The following GABRG1 variants were observed in gnomAD, a reference collection of about 807,000 sequenced individuals.
GABRG1 encodes the protein gamma-aminobutyric acid receptor subunit gamma-1.
GABRG1 carries 49 observed loss-of-function variants against 49.8 expected under a neutral mutation model. The observed-to-expected ratio is 0.98, with a 90% confidence interval of 0.78 to 1.25. GABRG1 has a LOEUF of 1.25. GABRG1 is among the 50% of genes most tolerant of loss of function. The pLI, the probability that GABRG1 is intolerant of heterozygous loss-of-function variation, is 0.00. For synonymous variants in GABRG1, 232 were observed against 185.1 expected (o/e 1.25, Z -2.06); for missense variants, 552 against 552.3 (o/e 1.00, Z 0.01).
chr4:46,047,668 G>T (rs71611959), intron 8 of GABRG1, among the ~76,000 whole-genome samples: 1 of 151,544 alleles, frequency 6.6e-6, no homozygotes, highest in African/African-American at 2.4e-5. Context: ...TAAAAATATT[G>T]TTATTTAAAA....
At chr4:46,071,872 T>C (rs1719138397) in intron 3 of GABRG1, among the ~76,000 whole-genome samples, 1 of 152,064 alleles carries the variant, frequency 6.6e-6, no homozygotes, top group Admixed American at 6.6e-5. Flanking sequence ...AAGCTGATAA[T>C]AATTTGTTAT....
chr4:46,088,051 G>A (rs903599771), intron 2 of GABRG1, among the ~76,000 whole-genome samples: 9 of 152,030 alleles, frequency 5.9e-5, no homozygotes, highest in African/African-American at 2.2e-4. Flanking sequence ...TGTGGCCAGT[G>A]CTTCCAAAAA....
intron 4 of GABRG1, 69 bp from the exon 5 acceptor site, chr4:46,064,592 A>G: frequency 2.8e-6 from 2 of 724,260 alleles, no homozygotes; most frequent in South Asian, 2.5e-5. Flanking sequence ...CTCCTGTCTC[A>G]TTTTAAAACA....
chr4:46,085,753 T>C (rs566927574), intron 2 of GABRG1, among the ~76,000 whole-genome samples: 61 of 151,730 alleles, frequency 4.0e-4, no homozygotes, highest in African/African-American at 1.3e-3. Context: ...CTATGAACAA[T>C]ACTAATGAGT....
chr4:46,068,549 A>C (rs1718999724), intron 3 of GABRG1, among the ~76,000 whole-genome samples: 1 of 152,202 alleles, frequency 6.6e-6, no homozygotes, highest in South Asian at 2.1e-4. Flanking sequence ...TTGTCCCCTC[A>C]ATCTAATATC....
intron 1 of GABRG1, among the ~76,000 whole-genome samples, chr4:46,109,009 C>T (rs1182848111): frequency 2.0e-5 from 3 of 150,896 alleles, no homozygotes; most frequent in African/African-American, 7.3e-5. Flanking sequence ...GCTCAAAACC[C>T]TGGATCTTAG....
At chr4:46,064,028 G>T (rs1415269883) in intron 5 of GABRG1, among the ~76,000 whole-genome samples, 1 of 151,934 alleles carries the variant, frequency 6.6e-6, no homozygotes, top group Non-Finnish European at 1.5e-5. Flanking sequence ...AATACTATTT[G>T]CCTAACCAAT....
chr4:46,119,456 T>A (rs1265240342), intron 1 of GABRG1, among the ~76,000 whole-genome samples: 1 of 151,532 alleles, frequency 6.6e-6, no homozygotes, highest in East Asian at 1.9e-4. Flanking sequence ...TTTAATAAGT[T>A]CACAAAAATG....
chr4:46,041,314 T>C, intron 8 of GABRG1, 60 bp from the exon 9 acceptor site: 1 of 1,549,678 alleles, frequency 6.5e-7, no homozygotes. Context: ...AAAGATCAAT[T>C]TGCTCCTTTA....
chr4:46,071,564 C>T (rs943081760), intron 3 of GABRG1, among the ~76,000 whole-genome samples: 12 of 151,310 alleles, frequency 7.9e-5, no homozygotes, highest in African/African-American at 2.2e-4. Flanking sequence ...GTATTCCAGA[C>T]GACGTATTGT....
At chr4:46,114,542 A>C (rs1445034810) in intron 1 of GABRG1, among the ~76,000 whole-genome samples, 1 of 150,958 alleles carries the variant, frequency 6.6e-6, no homozygotes, top group Non-Finnish European at 1.5e-5. Context: ...GAAGGTATTT[A>C]GGTATTTAAA....
intron 1 of GABRG1, among the ~76,000 whole-genome samples, chr4:46,110,150 A>C (rs1052566339): frequency 2.7e-5 from 4 of 150,916 alleles, no homozygotes; most frequent in Non-Finnish European, 4.5e-5. Context: ...TGACTGTCTA[A>C]ATGTTTTTGT....
At position 46,038,965 on chromosome 4, in the gene GABRG1, C is replaced by T. The variant is rs2109388663; in HGVS notation, c.*2023G>A. 1 of 151,600 alleles carries T rather than the reference C, an allele frequency of 6.6e-6. No homozygotes were observed. The highest frequency in any genetic ancestry group is 2.4e-5 in the African/African-American group (1 of 41,466). The allele number at this position is 151,600 out of a possible 1,614,324, so 9.4% of individuals were successfully genotyped here. On this transcript the variant is annotated 3_prime_UTR_variant, in exon 9 of 9. Transcript: ENST00000295452. ...AGAAGGAAAAGCTATTTATATCAAGCACTTTTAAGTATTTTAAAATACAGT... is the reference window on the plus strand; with the variant it reads ...AGAAGGAAAAGCTATTTATATCAAGTACTTTTAAGTATTTTAAAATACAGT...
At chr4:46,122,531 G>GT (rs1381449812) in intron 1 of GABRG1, among the ~76,000 whole-genome samples, 4 of 151,512 alleles carry the variant, frequency 2.6e-5, no homozygotes, top group Non-Finnish European at 5.9e-5. Context: ...AGGGAACAGG[G>GT]TTAAAAAAAA....
intron 1 of GABRG1, among the ~76,000 whole-genome samples, chr4:46,122,722 AT>A (rs984566579): frequency 6.6e-6 from 1 of 152,104 alleles, no homozygotes; most frequent in African/African-American, 2.4e-5. Context: ...ATAATAATTC[AT>A]TTTAGCAGTG....
chr4:46,075,793 A>T (rs1449186794), intron 3 of GABRG1, among the ~76,000 whole-genome samples: 2 of 152,100 alleles, frequency 1.3e-5, no homozygotes, highest in Non-Finnish European at 2.9e-5. Context: ...TGGAGTTTAT[A>T]TAATATCTTT....
intron 5 of GABRG1, 40 bp downstream of exon 5, chr4:46,064,401 G>T (rs755670511): frequency 1.4e-5 from 16 of 1,105,200 alleles, no homozygotes; most frequent in South Asian, 3.1e-5. Context: ...AGCTTCTAAG[G>T]TTAAAATTCT....
chr4:46,122,653 C>T (rs1721123219), intron 1 of GABRG1, among the ~76,000 whole-genome samples: 2 of 152,020 alleles, frequency 1.3e-5, no homozygotes, highest in Non-Finnish European at 2.9e-5. Context: ...AGAAAATATA[C>T]TTGTTCTATA....
intron 7 of GABRG1, among the ~76,000 whole-genome samples, chr4:46,052,516 C>T (rs1718268981): frequency 1.3e-5 from 2 of 151,812 alleles, no homozygotes; most frequent in African/African-American, 4.8e-5. Flanking sequence ...GGGATGTCCC[C>T]AAGGGTCCCA....
Sources: gnomAD v4.1 joint callset for allele counts (sites outside exome capture counted in the v4.1 genomes callset) on GRCh38, gnomAD v4.1.1 for gene constraint, MANE v1.5 for transcripts, NCBI Gene and HGNC (gene_info 2026-07-23, HGNC 2026-07-21) for gene names.